KNOP1: variants seen among roughly 807,000 people sequenced by gnomAD.
KNOP1 encodes lysine-rich nucleolar protein 1.
A neutral mutation model predicts 30.6 loss-of-function variants in KNOP1; 20 were observed. The ratio of observed to expected loss-of-function variants is 0.65; its 90% CI spans 0.46 to 0.95. KNOP1 has a LOEUF of 0.95. KNOP1 is among the 40% of genes least tolerant of loss of function. The pLI, the probability that KNOP1 is intolerant of heterozygous loss-of-function variation, is 0.00. For synonymous variants in KNOP1, 204 were observed against 210.0 expected, an observed-to-expected ratio of 0.97 and a Z score of 0.25; for missense variants, 540 against 562.0, an observed-to-expected ratio of 0.96 and a Z score of 0.40.
intron 3 of KNOP1, 134 bp from the exon 4 acceptor site, chr16:19,710,720 G>T: frequency 2.8e-6 from 2 of 704,700 alleles, no homozygotes; most frequent in East Asian, 2.6e-5. Flanking sequence ...TACAAACAAT[G>T]GGAAGCTGCT....
chr16:19,704,394 C>T lies in KNOP1; in HGVS notation c.*2516G>A, dbSNP rs572620465. The T allele has an allele frequency of 3.3e-5, 5 of 152,310 alleles. No individual in the cohort carries two copies. The highest frequency in any genetic ancestry group is 1.2e-4 in the African/African-American group (5 of 41,552). The allele number at this position is 152,310 out of a possible 1,614,324, so 9.4% of individuals were successfully genotyped here. A position where few individuals can be genotyped will look rare whatever the true frequency, so the allele number is the denominator to read the frequency against. ...GTCACCGCACCTGGCAGAGCACAAC[C>T]TTTTTAACAGAGCTAAGGCAGGCCA... On this transcript the variant is annotated 3_prime_UTR_variant, in exon 5 of 5. Coordinates refer to ENST00000219837, the MANE Select transcript of KNOP1 (RefSeq NM_001012991.3).
At chr16:19,715,538 C>G (rs1201234158) in intron 1 of KNOP1, among the ~76,000 whole-genome samples, 1 of 151,612 alleles carries the variant, frequency 6.6e-6, no homozygotes, top group Non-Finnish European at 1.5e-5. Context: ...CCTCAGCCTC[C>G]CCTGAGTAGC....
intron 3 of KNOP1, 54 bp from the exon 4 acceptor site, chr16:19,710,640 C>T (rs530607141): frequency 8.7e-5 from 129 of 1,485,310 alleles, no homozygotes; most frequent in Non-Finnish European, 1.2e-4. Context: ...TTCTTTCAAG[C>T]TTAAAACCCA....
chr16:19,714,016 A>G, intron 2 of KNOP1, 102 bp downstream of exon 2: 2 of 991,246 alleles, frequency 2.0e-6, no homozygotes, highest in Non-Finnish European at 3.0e-6. Context: ...TAAAAGCATG[A>G]GTACTCGTGC....
intron 2 of KNOP1, 29 bp downstream of exon 2, chr16:19,714,089 G>A: frequency 6.3e-7 from 1 of 1,582,962 alleles, no homozygotes. Context: ...TTCTCCCACG[G>A]CAAAGTCCAT....
At chr16:19,710,446 C>A in intron 4 of KNOP1, 63 bp downstream of exon 4, 2 of 1,527,524 alleles carry the variant, frequency 1.3e-6, no homozygotes, top group Non-Finnish European at 1.8e-6. Context: ...ATGCTGGAGG[C>A]GAGGGGAAGC....
At position 19,705,930 on chromosome 16, in the gene KNOP1, C is replaced by G. The variant is rs1480962471; in HGVS notation, c.*980G>C. On this transcript the variant is annotated 3_prime_UTR_variant, in exon 5 of 5. Coordinates refer to ENST00000219837, the MANE Select transcript of KNOP1 (RefSeq NM_001012991.3). The stretch of plus-strand genomic sequence containing the variant: ...ACGTCCCTGGGATCTGCCATTGATT[C>G]ATTTGCGGGACTAACCACTCTTCCT... 2.6e-5 allele frequency: 4 copies of G among 152,418 alleles called. No homozygotes were observed. The highest frequency in any genetic ancestry group is 2.1e-4 in the South Asian group (1 of 4,834). The allele number at this position is 152,418 out of a possible 1,614,324, so 9.4% of individuals were successfully genotyped here. A position where few individuals can be genotyped will look rare whatever the true frequency, so the allele number is the denominator to read the frequency against.
At position 19,714,974 on chromosome 16, in the gene KNOP1, A is replaced by G. The variant is rs776930939; in HGVS notation, c.62T>C (p.Val21Ala). The change falls in exon 2 of 5, where the codon GTG becomes GCG. Residue 21 changes from valine (V) to alanine (A), a missense_variant. By Grantham distance (64) the Val-to-Ala change is moderately conservative. Coordinates refer to ENST00000219837, the MANE Select transcript of KNOP1 (RefSeq NM_001012991.3). The part of the protein sequence containing the change: ...GLPEKKKKKK[V>A]VKEPETRYSV... ...GTATCGAGTCTCTGGTTCTTTGACC[A>G]CTTTCTTCTTCTTTTTCTTCTCTGG... is the stretch of plus-strand genomic sequence containing the variant. 11 of 1,594,878 alleles carry G rather than the reference A, an allele frequency of 6.9e-6. No homozygotes were observed. The South Asian group carries it at 1.2e-4, about 17-fold the overall frequency.
intron 1 of KNOP1, chr16:19,717,923 C>A (rs1977269102): frequency 8.7e-7 from 1 of 1,147,606 alleles, no homozygotes; most frequent in Non-Finnish European, 1.1e-6. Context: ...CCCATGGGCC[C>A]AAGCCTCCGC....
intron 4 of KNOP1, among the ~76,000 whole-genome samples, chr16:19,709,106 G>A (rs945833324): frequency 3.3e-5 from 5 of 152,152 alleles, no homozygotes; most frequent in African/African-American, 1.2e-4. Flanking sequence ...AGGGTGGCAT[G>A]GAGAGAAAGG....
chr16:19,710,188 C>A (rs1224759145), intron 4 of KNOP1: 3 of 409,666 alleles, frequency 7.3e-6, no homozygotes, highest in Admixed American at 6.9e-5. Flanking sequence ...AAGGCATCGT[C>A]CACCACTGGC....
Position 19,707,224 on chromosome 16 carries a change from G to C in KNOP1, c.1066-3C>G. On this transcript the variant is annotated splice_region_variant and splice_polypyrimidine_tract_variant and intron_variant, in intron 4 of 4. Transcript: ENST00000219837. ...TCCCACTGGCCAAACTGGGTTCCCT[G>C]TGAGGAGAGGAAAAAGGTGGCTATT... The C allele has an allele frequency of 6.2e-7, 1 of 1,607,996 alleles. No individual in the cohort carries two copies.
chr16:19,702,984 A>C lies in KNOP1; in HGVS notation c.*3926T>G, dbSNP rs1260571517. On this transcript the variant is annotated 3_prime_UTR_variant, in exon 5 of 5. Coordinates refer to ENST00000219837, the MANE Select transcript of KNOP1 (RefSeq NM_001012991.3). ...CACTCCAGCCTGGGCGTGGAGTGAGAGTGAGACTGTCTCAAAAAAAAAAAA... is the reference window on the plus strand; with the variant it reads ...CACTCCAGCCTGGGCGTGGAGTGAGCGTGAGACTGTCTCAAAAAAAAAAAA... 2 of 150,344 alleles carry C rather than the reference A, an allele frequency of 1.3e-5. No homozygotes were observed. Among genetic ancestry groups the C allele is most frequent in the African/African-American group, 5.0e-5 (2 of 40,152 alleles). 9.3% of individuals were successfully genotyped at this position (150,344 alleles called of 1,614,324 possible).
At chr16:19,717,284 G>C in intron 1 of KNOP1, 22 of 982,168 alleles carry the variant, frequency 2.2e-5, no homozygotes, top group Non-Finnish European at 2.4e-5. Flanking sequence ...GGGGGAGGGG[G>C]ACTATTGTAT....
At chr16:19,716,165 GCTGTCTGCCCTGTTT>G (rs1167533088) in intron 1 of KNOP1, among the ~76,000 whole-genome samples, 1 of 152,160 alleles carries the variant, frequency 6.6e-6, no homozygotes, top group Admixed American at 6.5e-5. Flanking sequence ...CTCATTCATT[GCTGTCTGCCCTGTTT>G]CCTGGTTTAT....
intron 2 of KNOP1, among the ~76,000 whole-genome samples, chr16:19,712,353 C>T (rs1176334353): frequency 6.6e-6 from 1 of 152,188 alleles, no homozygotes. Context: ...CCCCTCTAAC[C>T]GAGCAATGGG....
At chr16:19,707,340 A>T (rs1976435616) in intron 4 of KNOP1, 119 bp from the exon 5 acceptor site, 2 of 736,022 alleles carry the variant, frequency 2.7e-6, no homozygotes, top group African/African-American at 3.6e-5. Flanking sequence ...TACCAGGCAC[A>T]GTGCTAATAA....
intron 1 of KNOP1, among the ~76,000 whole-genome samples, chr16:19,715,701 A>G (rs1044871284): frequency 3.3e-5 from 5 of 152,078 alleles, no homozygotes; most frequent in Admixed American, 6.5e-5. Context: ...GATTACACGC[A>G]TGAGCCACCT....
chr16:19,710,557 G>A lies in KNOP1; in HGVS notation c.1017C>T (p.Ile339=), dbSNP rs779272577. ...QVRRKALQEE[I]DRESGKTEAS... ...CTTCCGTTTTGCCTGACTCGCGATC[G>A]ATCTCTTCTTGCAAGGCCTTTCGCC... is the stretch of plus-strand genomic sequence containing the variant. The change falls in exon 4 of 5, where the codon ATC becomes ATT. Residue 339 remains isoleucine, a synonymous_variant. Transcript: ENST00000219837. The A allele has an allele frequency of 1.6e-5, 26 of 1,612,264 alleles. No homozygotes were observed. Among genetic ancestry groups the A allele is most frequent in the Admixed American group, 3.3e-5 (2 of 59,998 alleles).
Sources: allele counts gnomAD v4.1 joint callset (sites outside exome capture counted in the v4.1 genomes callset), GRCh38; gene constraint gnomAD v4.1.1; transcripts MANE v1.5; gene names NCBI Gene and HGNC (gene_info 2026-07-23, HGNC 2026-07-21).